Variants in MYOCD observed in about 807,000 individuals in gnomAD.
MYOCD encodes the protein myocardin.
Under a neutral mutation model 96.1 loss-of-function variants are expected in MYOCD, and 32 were observed. That is an observed-to-expected ratio of 0.33 (90% CI 0.25 to 0.45). MYOCD has a LOEUF of 0.45. Ranked by LOEUF, MYOCD falls within the 20% of genes least tolerant of loss-of-function variation. MYOCD has a pLI of 1.00. For synonymous variants in MYOCD, 469 were observed against 469.0 expected (o/e 1.00, Z 0.00); for missense variants, 1,133 against 1,200.6 (o/e 0.94, Z 0.83).
In MYOCD at chr17:12,667,687, A is replaced by G. The variant is rs541442401; in HGVS notation, c.55+1444A>G. ...CTAAAAGGATCTGGTGATGTACTTG[A>G]TAGTAGACTTGCAAAACGCTTATCA... On this transcript the variant is annotated intron_variant, in intron 1 of 13. Coordinates refer to ENST00000425538, the MANE Select transcript of MYOCD (RefSeq NM_001146312.3). Among the ~76,000 whole-genome samples the G allele has an allele frequency of 1.9e-3, 295 of 152,296 alleles. 1 individual carries two copies. The highest frequency in any genetic ancestry group is 6.6e-3 in the African/African-American group (275 of 41,562).
At chr17:12,693,315 A>G (rs1162167060) in intron 1 of MYOCD, among the ~76,000 whole-genome samples, 1 of 151,760 alleles carries the variant, frequency 6.6e-6, no homozygotes, top group African/African-American at 2.4e-5. Context: ...ACAAACAAAC[A>G]AAAAAAACCA....
intron 5 of MYOCD, among the ~76,000 whole-genome samples, chr17:12,735,228 A>G (rs1353034535): frequency 6.6e-6 from 1 of 152,226 alleles, no homozygotes; most frequent in Non-Finnish European, 1.5e-5. Flanking sequence ...GATAATACCT[A>G]AATTCCTTTA....
intron 1 of MYOCD, among the ~76,000 whole-genome samples, chr17:12,691,404 G>A (rs2030438918): frequency 6.6e-6 from 1 of 152,172 alleles, no homozygotes; most frequent in African/African-American, 2.4e-5. Context: ...CAGAGTCTGG[G>A]ATCATTCAGG....
chr17:12,698,580 G>A (rs538544222), intron 1 of MYOCD, among the ~76,000 whole-genome samples: 2 of 152,222 alleles, frequency 1.3e-5, no homozygotes, highest in African/African-American at 4.8e-5. Flanking sequence ...ATGATTGAAC[G>A]AATGTAATGA....
rs1386895999 is a variant in MYOCD, at chr17:12,753,037, C to T, written c.1749C>T (p.Ser583=). 1 of 1,614,188 alleles carries T rather than the reference C, an allele frequency of 6.2e-7. No individual in the cohort carries two copies. The highest frequency in any genetic ancestry group is 8.5e-7 in the Non-Finnish European group (1 of 1,180,032). The change falls in exon 10 of 14, where the codon TCC becomes TCT. Residue 583 remains serine (S), a synonymous_variant. Coordinates refer to ENST00000425538, the MANE Select transcript of MYOCD (RefSeq NM_001146312.3). ...CTGTCTCCAGCTGTCCTTTTGCATCCCAAGTACCTGTGAAAAGACAAAGCA... is the reference window on the plus strand; with the variant it reads ...CTGTCTCCAGCTGTCCTTTTGCATCTCAAGTACCTGTGAAAAGACAAAGCA... ...EEAVSSCPFA[S]QVPVKRQSSS... is the part of the protein sequence containing the mutation.
At chr17:12,724,828 G>C (rs1375137572) in intron 5 of MYOCD, among the ~76,000 whole-genome samples, 1 of 151,848 alleles carries the variant, frequency 6.6e-6, no homozygotes, top group East Asian at 1.9e-4. Context: ...CTTTACATTT[G>C]TCTGATTTTT....
intron 2 of MYOCD, among the ~76,000 whole-genome samples, chr17:12,712,238 G>A (rs1219657255): frequency 2.0e-5 from 3 of 152,116 alleles, no homozygotes; most frequent in Non-Finnish European, 2.9e-5. Context: ...CGCTGCACTC[G>A]TTGCCGCCCC....
At chr17:12,670,517 GAA>G (rs202113210) in intron 1 of MYOCD, among the ~76,000 whole-genome samples, 12,873 of 152,182 alleles carry the variant, frequency 0.085, 588 homozygotes, top group Middle Eastern at 0.17. Context: ...GGACAGTACT[GAA>G]GACATTTTCA....
In MYOCD at chr17:12,760,702, G is replaced by A; in HGVS notation, c.2384G>A (p.Ser795Asn). 1.2e-6 allele frequency: 2 copies of A among 1,613,720 alleles called. No individual in the cohort carries two copies. Among genetic ancestry groups the A allele is most frequent in the Non-Finnish European group, 8.5e-7 (1 of 1,179,732 alleles). ...GAACTCCTGGACGTGCTTATTGAAA[G>A]CGGAGGTAAGACTGCCTGTGTCCTG... ...MDELLDVLIE[S>N]GEMPADARED... The change falls in exon 13 of 14, where the codon AGC (serine) becomes AAC (asparagine). Residue 795 changes from serine (S) to asparagine (N), a missense_variant. Coordinates refer to ENST00000425538, the MANE Select transcript of MYOCD (RefSeq NM_001146312.3).
At chr17:12,703,744 T>C (rs1013991839) in intron 1 of MYOCD, among the ~76,000 whole-genome samples, 1 of 151,886 alleles carries the variant, frequency 6.6e-6, no homozygotes, top group Non-Finnish European at 1.5e-5. Flanking sequence ...TTCCTGAGGC[T>C]CTGCTCATTT....
In MYOCD at chr17:12,753,325, C is replaced by A; in HGVS notation, c.2037C>A (p.Ser679Arg). The A allele has an allele frequency of 6.2e-7, 1 of 1,604,236 alleles. No individual in the cohort carries two copies. Among genetic ancestry groups the A allele is most frequent in the Admixed American group, 1.7e-5 (1 of 59,298 alleles). The change falls in exon 10 of 14, where the codon AGC becomes AGA. Residue 679 changes from serine to arginine, a missense_variant. Coordinates refer to ENST00000425538, the MANE Select transcript of MYOCD (RefSeq NM_001146312.3). ...GEGHRVSSPI[S>R]SQVCTAQNSG... is the part of the protein sequence containing the mutation. ...GGCACAGGGTCTCCTCGCCCATCAGCAGCCAGGTGTGCACTGCACAGGTAA... is the reference window on the plus strand; with the variant it reads ...GGCACAGGGTCTCCTCGCCCATCAGAAGCCAGGTGTGCACTGCACAGGTAA...
intron 2 of MYOCD, among the ~76,000 whole-genome samples, chr17:12,714,323 GCACA>G (rs4054959): frequency 0.054 from 7,380 of 136,094 alleles, 258 homozygotes; most frequent in Non-Finnish European, 0.078. Context: ...TGAGGCACGT[GCACA>G]CACACACACA....
chr17:12,713,205 C>G (rs1239789712), intron 2 of MYOCD, among the ~76,000 whole-genome samples: 1 of 152,166 alleles, frequency 6.6e-6, no homozygotes, highest in Admixed American at 6.5e-5. Context: ...TCCAGAAGAC[C>G]TTTGTGCTCC....
intron 7 of MYOCD, 60 bp from the exon 8 acceptor site, chr17:12,744,123 A>T (rs1270177452): frequency 3.2e-6 from 5 of 1,575,404 alleles, no homozygotes; most frequent in Non-Finnish European, 4.3e-6. Context: ...CGTGTCCATG[A>T]TGCAAAATCA....
chr17:12,674,152 G>A (rs1443059086), intron 1 of MYOCD, among the ~76,000 whole-genome samples: 4 of 152,142 alleles, frequency 2.6e-5, no homozygotes, highest in Admixed American at 2.6e-4. Context: ...GAGGCTCAAA[G>A]ATGTTAGACA....
chr17:12,723,201 C>A (rs1738794810), intron 5 of MYOCD, among the ~76,000 whole-genome samples, 193 bp downstream of exon 5: 1 of 152,098 alleles, frequency 6.6e-6, no homozygotes, highest in Non-Finnish European at 1.5e-5. Flanking sequence ...TCTTGTACAC[C>A]CCAAGGCCAA....
chr17:12,739,384 T>C (rs922988211), intron 7 of MYOCD, 56 bp downstream of exon 7: 7 of 1,487,024 alleles, frequency 4.7e-6, no homozygotes, highest in Non-Finnish European at 4.5e-6. Flanking sequence ...CAGAGCCGAC[T>C]TGGAGCAGAA....
chr17:12,697,487 T>C (rs2030830782), intron 1 of MYOCD, among the ~76,000 whole-genome samples: 1 of 150,476 alleles, frequency 6.6e-6, no homozygotes, highest in Non-Finnish European at 1.5e-5. Flanking sequence ...CTCAGCCTCC[T>C]GAGTAGCTGA....
chr17:12,696,763 T>C (rs72811281), intron 1 of MYOCD, among the ~76,000 whole-genome samples: 14,022 of 152,232 alleles, frequency 0.092, 675 homozygotes, highest in Middle Eastern at 0.16. Flanking sequence ...CTGCTGATAC[T>C]CCTCCCAGAT....
Sources: gnomAD v4.1 joint callset for allele counts (sites outside exome capture counted in the v4.1 genomes callset) on GRCh38, gnomAD v4.1.1 for gene constraint, MANE v1.5 for transcripts, NCBI Gene and HGNC (gene_info 2026-07-23, HGNC 2026-07-21) for gene names.